TMCO1: variants seen among roughly 807,000 people sequenced by gnomAD.
TMCO1 encodes the protein transmembrane and coiled-coil domains 1.
In TMCO1, 29 loss-of-function variants were observed where a neutral mutation model predicts 29.3. That is an observed-to-expected ratio of 0.99 (90% CI 0.74 to 1.35). The LOEUF (loss-of-function observed/expected upper bound fraction) is 1.35, where lower values mean the gene tolerates loss of function less well. Ranked by LOEUF, TMCO1 falls within the 40% of genes most tolerant of loss-of-function variation. TMCO1 has a pLI of 0.00. For synonymous variants in TMCO1, 80 were observed against 77.1 expected (o/e 1.04, Z -0.20); for missense variants, 173 against 225.5 (o/e 0.77, Z 1.49).
chr1:165,734,909 C>G (rs974437087), intron 6 of TMCO1, among the ~76,000 whole-genome samples: 1 of 152,112 alleles, frequency 6.6e-6, no homozygotes, highest in Non-Finnish European at 1.5e-5. Flanking sequence ...AAGCCCAATA[C>G]AGAAAACAAA....
At chr1:165,748,760 A>G (rs1226601188) in intron 5 of TMCO1, among the ~76,000 whole-genome samples, 1 of 152,208 alleles carries the variant, frequency 6.6e-6, no homozygotes, top group Non-Finnish European at 1.5e-5. Flanking sequence ...GGGTTTGGAC[A>G]AATATATAAT....
At chr1:165,742,409 C>T (rs1337316530) in intron 6 of TMCO1, among the ~76,000 whole-genome samples, 3 of 152,144 alleles carry the variant, frequency 2.0e-5, no homozygotes, top group Non-Finnish European at 4.4e-5. Flanking sequence ...ACTACAGGCA[C>T]ATGCCACCAT....
At chr1:165,766,860 T>G (rs1445324492) in intron 2 of TMCO1, among the ~76,000 whole-genome samples, 2 of 152,142 alleles carry the variant, frequency 1.3e-5, no homozygotes, top group Non-Finnish European at 2.9e-5. Flanking sequence ...TAATAAAGCA[T>G]ATCAAGGTTT....
chr1:165,757,557 C>T (rs1007279710), intron 3 of TMCO1, among the ~76,000 whole-genome samples: 1 of 152,198 alleles, frequency 6.6e-6, no homozygotes, highest in Non-Finnish European at 1.5e-5. Flanking sequence ...AGTACAATGG[C>T]GCGATCTCGG....
rs1571234722 is a variant in TMCO1 at position 165,766,364 on chromosome 1, G to T, written c.148+1828C>A. ...AGAGAGGGCCACAGACATAAATTTGGGAGTCACTGGCCAATACAGCCAAAA... is the reference window on the plus strand; with the variant it reads ...AGAGAGGGCCACAGACATAAATTTGTGAGTCACTGGCCAATACAGCCAAAA... On this transcript the variant is annotated intron_variant, in intron 2 of 6. Transcript: ENST00000367881. Among the ~76,000 whole-genome samples the T allele has an allele frequency of 2.0e-5, 3 of 152,262 alleles. No homozygotes were observed. The South Asian group carries it at 6.2e-4, about 32-fold the overall frequency.
intron 3 of TMCO1, among the ~76,000 whole-genome samples, chr1:165,754,676 A>G (rs966453830): frequency 6.6e-6 from 1 of 152,218 alleles, no homozygotes; most frequent in African/African-American, 2.4e-5. Flanking sequence ...CTAAAATGGC[A>G]TATAGTCTAA....
chr1:165,738,126 C>T (rs1195060357), intron 6 of TMCO1, among the ~76,000 whole-genome samples: 1 of 152,182 alleles, frequency 6.6e-6, no homozygotes, highest in Non-Finnish European at 1.5e-5. Context: ...AACCCTGTCT[C>T]TACTAAAAAT....
At chr1:165,765,916 A>T (rs1652548839) in intron 2 of TMCO1, among the ~76,000 whole-genome samples, 1 of 152,232 alleles carries the variant, frequency 6.6e-6, no homozygotes, top group Non-Finnish European at 1.5e-5. Flanking sequence ...TCTTGAGAAC[A>T]GACTTCAGGG....
chr1:165,740,909 G>A (rs184558010), intron 6 of TMCO1, among the ~76,000 whole-genome samples: 172 of 152,324 alleles, frequency 1.1e-3, no homozygotes, highest in Non-Finnish European at 2.2e-3. Context: ...CTGCAGAACT[G>A]TGAGCTAAAT....
chr1:165,734,132 C>A (rs1293240109), intron 6 of TMCO1, among the ~76,000 whole-genome samples: 2 of 152,220 alleles, frequency 1.3e-5, no homozygotes, highest in African/African-American at 4.8e-5. Context: ...ACAATGTAAT[C>A]TTTACTCTAT....
chr1:165,746,330 C>G (rs1651795914), intron 5 of TMCO1, among the ~76,000 whole-genome samples: 1 of 149,328 alleles, frequency 6.7e-6, no homozygotes, highest in Non-Finnish European at 1.5e-5. Flanking sequence ...AAAAAAATAG[C>G]CTTCTTTCCT....
intron 6 of TMCO1, among the ~76,000 whole-genome samples, chr1:165,735,325 C>T (rs760201728): frequency 4.6e-5 from 7 of 152,030 alleles, no homozygotes; most frequent in Non-Finnish European, 8.8e-5. Flanking sequence ...AGGGCATAAC[C>T]CCAGTTGGCA....
chr1:165,747,976 T>C (rs1216847577), intron 5 of TMCO1, among the ~76,000 whole-genome samples: 1 of 152,090 alleles, frequency 6.6e-6, no homozygotes, highest in Non-Finnish European at 1.5e-5. Context: ...CTTGCCAACA[T>C]GGTGAAACCC....
intron 6 of TMCO1, among the ~76,000 whole-genome samples, chr1:165,737,506 A>C (rs57611554): frequency 0.013 from 2,021 of 152,318 alleles, 54 homozygotes; most frequent in African/African-American, 0.047. Context: ...AATGAAAACC[A>C]TAAGTCCTAG....
At chr1:165,725,981 A>C (rs1650873720), downstream of TMCO1, 1 of 679,318 alleles carries the variant, frequency 1.5e-6, no homozygotes, top group Non-Finnish European at 2.7e-6. Flanking sequence ...GTATATGAAA[A>C]CCTGGTCCAT....
At chr1:165,755,863 G>A (rs1225873891) in intron 3 of TMCO1, among the ~76,000 whole-genome samples, 2 of 151,950 alleles carry the variant, frequency 1.3e-5, no homozygotes, top group African/African-American at 4.8e-5. Flanking sequence ...CCAAACCATA[G>A]GCTCTCCCAT....
intron 2 of TMCO1, 83 bp from the exon 3 acceptor site, chr1:165,759,667 G>T (rs1652327749): frequency 1.6e-6 from 2 of 1,224,220 alleles, no homozygotes; most frequent in Non-Finnish European, 2.4e-6. Flanking sequence ...CTGAACCAAT[G>T]AAAGAAGCTT....
At chr1:165,759,485 AG>A in intron 3 of TMCO1, 39 bp downstream of exon 3, 1 of 1,490,228 alleles carries the variant, frequency 6.7e-7, no homozygotes, top group Non-Finnish European at 9.3e-7. Context: ...AATTTTTTTA[AG>A]AAAACCCAAA....
At chr1:165,743,925 G>A (rs562367247) in intron 5 of TMCO1, among the ~76,000 whole-genome samples, 40 of 149,984 alleles carry the variant, frequency 2.7e-4, no homozygotes, top group African/African-American at 5.7e-4. Flanking sequence ...CAGTGTCGCC[G>A]TCTCAGCTCA....
Sources: gnomAD v4.1 joint callset for allele counts (sites outside exome capture counted in the v4.1 genomes callset) on GRCh38, gnomAD v4.1.1 for gene constraint, MANE v1.5 for transcripts, NCBI Gene and HGNC (gene_info 2026-07-23, HGNC 2026-07-21) for gene names.